The following ARHGAP32 variants were observed in gnomAD, a reference collection of about 807,000 sequenced individuals.
The protein encoded by ARHGAP32 is rho GTPase-activating protein 32.
Under a neutral mutation model 186.5 loss-of-function variants are expected in ARHGAP32, and 51 were observed. The ratio of observed to expected loss-of-function variants is 0.27; its 90% CI spans 0.22 to 0.35. The LOEUF is 0.35. Among genes scored for constraint, ARHGAP32 ranks in the 10% least tolerant of loss-of-function variants. The pLI is 1.00. For synonymous variants in ARHGAP32, 950 were observed against 964.3 expected, an observed-to-expected ratio of 0.99 and a Z score of 0.27; for missense variants, 2,186 against 2,623.5, an observed-to-expected ratio of 0.83 and a Z score of 3.64.
intron 1 of ARHGAP32, among the ~76,000 whole-genome samples, chr11:129,237,401 A>C (rs1359089712): frequency 1.3e-5 from 2 of 152,202 alleles, no homozygotes; most frequent in Non-Finnish European, 2.9e-5. Flanking sequence ...CAGAAAACAA[A>C]ATCTTTGCTC....
At chr11:129,193,603 A>ATT (rs1565464675), upstream of ARHGAP32, among the ~76,000 whole-genome samples, 2 of 69,704 alleles carry the variant, frequency 2.9e-5, no homozygotes, top group African/African-American at 5.6e-5. Context: ...TGTTATATAT[A>ATT]ATATATAATA....
rs1327684956 is a variant in ARHGAP32, at chr11:128,969,657, T to C, written c.5556A>G (p.Arg1852=). 3.1e-6 allele frequency: 5 copies of C among 1,614,124 alleles called. No homozygotes were observed. The highest frequency in any genetic ancestry group is 4.2e-6 in the Non-Finnish European group (5 of 1,180,028). ...TACCATGGCCTCCGTGATGGTGGGC[T>C]CTGTCCATCTCTGCCTCGGGATGCC... is the stretch of plus-strand genomic sequence containing the variant. ...YRRHPEAEMD[R]AHHHGGHGST... is the part of the protein sequence containing the mutation. The change falls in exon 23 of 23, where the codon AGA becomes AGG. Residue 1852 remains arginine, a synonymous_variant. Coordinates refer to ENST00000682385, the MANE Select transcript of ARHGAP32 (RefSeq NM_001378024.1). The surrounding 1 kb of genome is among the most constrained non-coding windows in gnomAD (Gnocchi z 4.8).
intron 1 of ARHGAP32, among the ~76,000 whole-genome samples, chr11:129,238,852 T>C (rs66844086): frequency 2.0e-5 from 3 of 150,486 alleles, no homozygotes; most frequent in Non-Finnish European, 4.4e-5. Context: ...TAATTTTTTT[T>C]GAAACAGGGT....
intron 1 of ARHGAP32, among the ~76,000 whole-genome samples, chr11:129,262,315 C>A (rs576642274): frequency 6.6e-5 from 10 of 152,032 alleles, no homozygotes; most frequent in African/African-American, 2.4e-4. Context: ...TAGTAAATAT[C>A]TACTGAATTA....
At chr11:129,218,745 C>T (rs1944676633) in intron 1 of ARHGAP32, among the ~76,000 whole-genome samples, 1 of 152,042 alleles carries the variant, frequency 6.6e-6, no homozygotes, top group Non-Finnish European at 1.5e-5. Flanking sequence ...AAAACAACAA[C>T]AACAACAAAA....
chr11:129,275,952 C>G (rs1298589372), intron 1 of ARHGAP32, among the ~76,000 whole-genome samples: 1 of 152,204 alleles, frequency 6.6e-6, no homozygotes, highest in African/African-American at 2.4e-5. Flanking sequence ...AACTTGTAAC[C>G]TCCTTTGGTA....
intron 1 of ARHGAP32, among the ~76,000 whole-genome samples, chr11:129,206,818 A>G (rs1477585036): frequency 2.6e-5 from 4 of 151,334 alleles, no homozygotes; most frequent in African/African-American, 7.3e-5. Context: ...GGTTTGTTAC[A>G]TAGGTATACA....
intron 10 of ARHGAP32, among the ~76,000 whole-genome samples, chr11:129,041,720 C>T (rs542123249): frequency 5.3e-5 from 8 of 152,146 alleles, no homozygotes; most frequent in African/African-American, 1.7e-4. Flanking sequence ...TGTAACAAGC[C>T]GTATTAGGAA....
chr11:129,244,715 A>G (rs1164249488), intron 1 of ARHGAP32, among the ~76,000 whole-genome samples: 2 of 152,118 alleles, frequency 1.3e-5, no homozygotes, highest in African/African-American at 4.8e-5. Flanking sequence ...AAGGGCTAAT[A>G]TCCAGAATCT....
rs773000307 is a variant in ARHGAP32, at chr11:128,970,926, G to T, written c.4287C>A (p.Pro1429=). The T allele has an allele frequency of 2.5e-6, 4 of 1,613,950 alleles. No individual in the cohort carries two copies. The highest frequency in any genetic ancestry group is 1.1e-5 in the South Asian group (1 of 91,078). The part of the protein sequence containing the change: ...HPCGFPAPLP[P]TRMMESKMIA... ...TCATCTTACTCTCCATCATCCTGGT[G>T]GGGGGCAGTGGTGCAGGAAAGCCAC... The change falls in exon 23 of 23, where the codon CCC becomes CCA. Residue 1429 remains proline (P), a synonymous_variant. Coordinates refer to ENST00000682385, the MANE Select transcript of ARHGAP32 (RefSeq NM_001378024.1). This position sits in a 1 kb window ranked among gnomAD's most constrained non-coding sequence, Gnocchi z 5.8.
rs567366452 is a variant in ARHGAP32, at chr11:129,265,543, T to C, written c.-5+13603A>G. Among the ~76,000 whole-genome samples, 10 of 152,312 alleles carry C rather than the reference T, an allele frequency of 6.6e-5. No homozygotes were observed. In the South Asian group the frequency reaches 2.1e-3, roughly 32 times the overall value. ...CAGGCACTTGAAGGGCAAAAAGACCTGGATTTAAAGTATGAATCAATCCCC... is the reference window on the plus strand; with the variant it reads ...CAGGCACTTGAAGGGCAAAAAGACCCGGATTTAAAGTATGAATCAATCCCC... On this transcript the variant is annotated intron_variant, in intron 1 of 6. Transcript: ENST00000525234.
intron 11 of ARHGAP32, among the ~76,000 whole-genome samples, chr11:129,017,178 A>G (rs1591535351): frequency 1.3e-5 from 2 of 152,144 alleles, no homozygotes; most frequent in Non-Finnish European, 1.5e-5. Context: ...AGTTTAGGCC[A>G]GGCATGGTGG....
Position 129,123,339 on chromosome 11 carries a change from AC to A in ARHGAP32, c.444+106del. 1.1e-6 allele frequency: 1 copy of A among 904,450 alleles called. No individual in the cohort carries two copies. Among genetic ancestry groups the A allele is most frequent in the Non-Finnish European group, 1.7e-6 (1 of 602,156 alleles). The allele number at this position is 904,450 out of a possible 1,614,324, so 56.0% of individuals were successfully genotyped here. A position where few individuals can be genotyped will look rare whatever the true frequency, so the allele number is the denominator to read the frequency against. Reference sequence around the variant, plus strand: ...CAATAAGACATCAATTAAAAAAAAAACTACTTCAAAGTGTCATCTATTAGAT... The same window carrying A: ...CAATAAGACATCAATTAAAAAAAAAATACTTCAAAGTGTCATCTATTAGAT... On this transcript the variant is annotated intron_variant, in intron 5 of 22. Coordinates refer to ENST00000682385, the MANE Select transcript of ARHGAP32 (RefSeq NM_001378024.1). The surrounding 1 kb of genome is among the most constrained non-coding windows in gnomAD (Gnocchi z 4.6).
chr11:129,173,556 T>C (rs1304784808), intron 1 of ARHGAP32, among the ~76,000 whole-genome samples: 1 of 152,146 alleles, frequency 6.6e-6, no homozygotes, highest in Non-Finnish European at 1.5e-5. Context: ...TGAACATCGA[T>C]GCAAAAATCC....
chr11:129,218,863 C>G (rs1376750289), intron 1 of ARHGAP32, among the ~76,000 whole-genome samples: 2 of 152,118 alleles, frequency 1.3e-5, no homozygotes, highest in Non-Finnish European at 2.9e-5. Flanking sequence ...ACACATTTGT[C>G]AAGTAGAATG....
intron 11 of ARHGAP32, among the ~76,000 whole-genome samples, chr11:129,029,795 C>G (rs1939025960): frequency 1.4e-5 from 1 of 69,178 alleles, no homozygotes. Flanking sequence ...GAGGGAGACT[C>G]CGTCTCAAAA....
At chr11:128,999,692 T>G (rs2134743011) in intron 11 of ARHGAP32, among the ~76,000 whole-genome samples, 1 of 152,316 alleles carries the variant, frequency 6.6e-6, no homozygotes, top group Middle Eastern at 3.4e-3. Flanking sequence ...CAGCCGACAC[T>G]TTGGGAAAAT....
intron 1 of ARHGAP32, among the ~76,000 whole-genome samples, chr11:129,238,008 G>A (rs1012691430): frequency 2.6e-5 from 4 of 152,150 alleles, no homozygotes; most frequent in African/African-American, 9.7e-5. Context: ...GTAGGGACAA[G>A]GGAGTTTGGT....
chr11:129,255,423 T>C (rs972679957), intron 1 of ARHGAP32, among the ~76,000 whole-genome samples: 4 of 151,908 alleles, frequency 2.6e-5, no homozygotes, highest in Non-Finnish European at 4.4e-5. Flanking sequence ...GATAAAACCA[T>C]AAAGCTTTTA....
Sources: allele counts gnomAD v4.1 joint callset (sites outside exome capture counted in the v4.1 genomes callset), GRCh38; gene constraint gnomAD v4.1.1; non-coding constraint Gnocchi (gnomAD v3.1); transcripts MANE v1.5; gene names NCBI Gene and HGNC (gene_info 2026-07-23, HGNC 2026-07-21).